PROCA1: variants seen among roughly 807,000 people sequenced by gnomAD.
PROCA1 encodes the protein protein interacting with cyclin A1.
In PROCA1, 22 loss-of-function variants were observed where a neutral mutation model predicts 23.2. That is an observed-to-expected ratio of 0.95 (90% CI 0.68 to 1.35). The LOEUF is 1.35. PROCA1 is among the 40% of genes most tolerant of loss of function. The pLI is 0.00. For missense variants in PROCA1, 469 were observed against 459.8 expected, an observed-to-expected ratio of 1.02 and a Z score of -0.18; for synonymous variants, 182 against 179.2, an observed-to-expected ratio of 1.02 and a Z score of -0.12.
Position 28,703,666 on chromosome 17 carries a change from C to G in PROCA1, c.987G>C (p.Arg329Ser), listed in dbSNP as rs1196927523. ...SEDIVESSSP[R>S]KRENTVQAKK... ...TGGCCTGGACTGTGTTCTCTCTCTT[C>G]CTGGGCGATGATGATTCCACAATAT... The change falls in exon 5 of 5, where the codon AGG becomes AGC. Residue 329 changes from arginine (R) to serine (S), a missense_variant. Transcript: ENST00000682792. 3.1e-6 allele frequency: 5 copies of G among 1,614,090 alleles called. No homozygotes were observed. Among genetic ancestry groups the G allele is most frequent in the Non-Finnish European group, 4.2e-6 (5 of 1,180,054 alleles).
In PROCA1 at chr17:28,703,741, C is replaced by G. The variant is rs200833418; in HGVS notation, c.912G>C (p.Glu304Asp). The G allele has an allele frequency of 6.2e-7, 1 of 1,614,134 alleles. No individual in the cohort carries two copies. The highest frequency in any genetic ancestry group is 8.5e-7 in the Non-Finnish European group (1 of 1,180,042). Residue 304 changes from glutamate (E) to aspartate (D), a missense_variant, in exon 5 of 5, where the codon GAG becomes GAC. Physicochemically the swap from Glu to Asp is conservative, Grantham distance 45. Coordinates refer to ENST00000682792, the MANE Select transcript of PROCA1 (RefSeq NM_001366301.1). ...ESSPESREELESEDSYNGRGQ... is the reference protein window; with the variant it reads ...ESSPESREELDSEDSYNGRGQ... ...CCCGGCCATTGTAACTGTCCTCGCT[C>G]TCCAGCTCTTCCCGGCTTTCTGGGC...
rs1045263751 is a variant in PROCA1, at chr17:28,703,359, G to A, written c.*199C>T. The A allele has an allele frequency of 1.6e-6, 1 of 607,048 alleles. No individual in the cohort carries two copies. The highest frequency in any genetic ancestry group is 1.9e-5 in the African/African-American group (1 of 54,022). 37.6% of individuals were successfully genotyped at this position (607,048 alleles called of 1,614,324 possible). A position where few individuals can be genotyped will look rare whatever the true frequency, so the allele number is the denominator to read the frequency against. ...TGTCCTAGCAGGTAGGAAGAAATAG[G>A]GCTGTGCCCCTTCCTTTCCCTCCCA... On this transcript the variant is annotated 3_prime_UTR_variant, in exon 5 of 5. Coordinates refer to ENST00000682792, the MANE Select transcript of PROCA1 (RefSeq NM_001366301.1).
At position 28,711,758 on chromosome 17, in the gene PROCA1, G is replaced by T. The variant is rs2032798409; in HGVS notation, c.-98C>A. ...GCCCTCGGCCCAGCCGTGAACTCCA[G>T]TCTCGGCTTCGCCCCCGCCTAGCCC... is the stretch of plus-strand genomic sequence containing the variant. On this transcript the variant is annotated 5_prime_UTR_variant, in exon 1 of 5. It adds an upstream start codon to the 5' untranslated region. Transcript: ENST00000682792. 9.4e-7 allele frequency: 1 copy of T among 1,069,444 alleles called. No individual in the cohort carries two copies. The highest frequency in any genetic ancestry group is 1.3e-6 in the Non-Finnish European group (1 of 768,052). The allele number at this position is 1,069,444 out of a possible 1,614,324, so 66.2% of individuals were successfully genotyped here.
chr17:28,710,326 G>A (rs1242779794), intron 1 of PROCA1, among the ~76,000 whole-genome samples: 1 of 151,492 alleles, frequency 6.6e-6, no homozygotes, highest in South Asian at 2.1e-4. Flanking sequence ...GTGAAACCCC[G>A]TCTCTACTAA....
At position 28,706,522 on chromosome 17, in the gene PROCA1, G is replaced by T. The variant is rs2032481442; in HGVS notation, c.175+158C>A. ...GGGTGATTGCGGCCTTGAGAAAGGG[G>T]TCCCCTCTGGCATCTGTAGGGGATG... On this transcript the variant is annotated intron_variant, in intron 2 of 4. Transcript: ENST00000682792. 2.0e-5 allele frequency: 7 copies of T among 357,884 alleles called. No homozygotes were observed. The Admixed American group carries it at 2.2e-4, about 11-fold the overall frequency. 22.2% of individuals were successfully genotyped at this position (357,884 alleles called of 1,614,324 possible).
rs1238111250 is a variant in PROCA1, at chr17:28,706,679, C to T, written c.175+1G>A. ...CTGGGTCAAAGGTCTCCTGGACCCA[C>T]CTTCAGAGAAGGTAGACACATCAGT... On this transcript the variant is annotated splice_donor_variant, in intron 2 of 4. Transcript: ENST00000682792. LOFTEE classifies it high-confidence loss of function. The T allele has an allele frequency of 4.6e-6, 6 of 1,303,542 alleles. No individual in the cohort carries two copies. The South Asian group carries it at 4.9e-5, about 11-fold the overall frequency. The allele number at this position is 1,303,542 out of a possible 1,614,324, so 80.7% of individuals were successfully genotyped here.
In PROCA1 at chr17:28,703,938, T is replaced by A. The variant is rs1248517791; in HGVS notation, c.715A>T (p.Lys239Ter). 7 of 1,613,102 alleles carry A rather than the reference T, an allele frequency of 4.3e-6. No homozygotes were observed. The highest frequency in any genetic ancestry group is 5.1e-6 in the Non-Finnish European group (6 of 1,179,650). Residue 239 changes from lysine to a stop codon, truncating the protein, a stop_gained, in exon 5 of 5, where the codon AAA (lysine) becomes TAA (stop). Coordinates refer to ENST00000682792, the MANE Select transcript of PROCA1 (RefSeq NM_001366301.1). LOFTEE classifies it high-confidence loss of function. ...GSKVIKKVKKKKEKEKDKEEM... is the reference protein window; with the variant it reads ...GSKVIKKVKK ...TCCTTGTCTTTCTCTTTTTCCTTTT[T>A]CTTCTTTACCTTCTTGATCACCTTG...
At position 28,706,682 on chromosome 17, in the gene PROCA1, T is replaced by G; in HGVS notation, c.173A>C (p.Glu58Ala). 7.7e-7 allele frequency: 1 copy of G among 1,303,224 alleles called. No individual in the cohort carries two copies. The highest frequency in any genetic ancestry group is 1.2e-5 in the South Asian group (1 of 80,966). 80.7% of individuals were successfully genotyped at this position (1,303,224 alleles called of 1,614,324 possible). ...ASSTDVSTFS[E>A]GDCKEPDKCC... ...GGTCAAAGGTCTCCTGGACCCACCTTCAGAGAAGGTAGACACATCAGTGCT... is the reference window on the plus strand; with the variant it reads ...GGTCAAAGGTCTCCTGGACCCACCTGCAGAGAAGGTAGACACATCAGTGCT... The change falls in exon 2 of 5, where the codon GAA becomes GCA. Residue 58 changes from glutamate to alanine, a missense_variant and splice_region_variant. Coordinates refer to ENST00000682792, the MANE Select transcript of PROCA1 (RefSeq NM_001366301.1).
intron 1 of PROCA1, among the ~76,000 whole-genome samples, chr17:28,708,648 G>A (rs1427096346): frequency 1.3e-5 from 2 of 151,680 alleles, no homozygotes; most frequent in African/African-American, 2.4e-5. Context: ...CTCTCAGAGA[G>A]GCAAGAGGCG....
At position 28,704,741 on chromosome 17, in the gene PROCA1, A is replaced by G. The variant is rs146270076; in HGVS notation, c.278T>C (p.Leu93Pro). The change falls in exon 3 of 5, where the codon CTA (leucine) becomes CCA (proline). Residue 93 changes from leucine (L) to proline (P), a missense_variant. Transcript: ENST00000682792. ...ASDCVRHSLHLHSVNHCNCNS... is the reference protein window; with the variant it reads ...ASDCVRHSLHPHSVNHCNCNS... Reference sequence around the variant, plus strand: ...ACAGTTGCAGTGGTTGACAGAGTGTAGGTGCAGGCTGTGGCGGACACAGTC... The same window carrying G: ...ACAGTTGCAGTGGTTGACAGAGTGTGGGTGCAGGCTGTGGCGGACACAGTC... The G allele has an allele frequency of 1.9e-6, 3 of 1,614,026 alleles. No individual in the cohort carries two copies. The African/African-American group carries it at 4.0e-5, about 22-fold the overall frequency.
In PROCA1 at chr17:28,704,465, CCCAT is replaced by C. The variant is rs1597730472; in HGVS notation, c.312-34_312-31del. The C allele has an allele frequency of 1.9e-6, 3 of 1,597,778 alleles. No individual in the cohort carries two copies. In the East Asian group the frequency reaches 6.7e-5, roughly 36 times the overall value. On this transcript the variant is annotated intron_variant, in intron 3 of 4. Transcript: ENST00000682792. ...CACACATGGGACTCTCAGCCTGGCTCCCATCACTCCCCCAGGGACCCAGAGCCAG... is the reference window on the plus strand; with the variant it reads ...CACACATGGGACTCTCAGCCTGGCTCCACTCCCCCAGGGACCCAGAGCCAG...
rs1226861811 is a variant in PROCA1 at position 28,711,065 on chromosome 17, T to G, written c.91+505A>C. On this transcript the variant is annotated intron_variant, in intron 1 of 4. Coordinates refer to ENST00000682792, the MANE Select transcript of PROCA1 (RefSeq NM_001366301.1). ...AGAGGAGGAAGCAAGGGAGGGGCAG[T>G]GCGCCCGCGTCTCCTTGGAAATGCC... The G allele has an allele frequency of 6.8e-6, 8 of 1,180,902 alleles. No individual in the cohort carries two copies. The Admixed American group carries it at 2.8e-4, about 41-fold the overall frequency. The allele number at this position is 1,180,902 out of a possible 1,614,324, so 73.2% of individuals were successfully genotyped here.
Position 28,704,109 on chromosome 17 carries a change from C to T in PROCA1, c.544G>A (p.Glu182Lys). ...LNEEEEEEEE[E>K]SKPPIPTQVG... ...TGTGTCGGGATGGGGGGCTTGCTTT[C>T]CTCCTCCTCCTCTTCCTCTTCTTCA... is the stretch of plus-strand genomic sequence containing the variant. Residue 182 changes from glutamate to lysine, a missense_variant, in exon 5 of 5, where the codon GAA becomes AAA. Transcript: ENST00000682792. The T allele has an allele frequency of 6.3e-7, 1 of 1,574,892 alleles. No homozygotes were observed. Among genetic ancestry groups the T allele is most frequent in the Non-Finnish European group, 8.6e-7 (1 of 1,166,054 alleles).
In PROCA1 at chr17:28,704,735, G is replaced by GTTGC; in HGVS notation, c.283_284insGCAA (p.Ser95CysfsTer9). The GTTGC allele has an allele frequency of 6.2e-7, 1 of 1,614,158 alleles. No individual in the cohort carries two copies. The highest frequency in any genetic ancestry group is 8.5e-7 in the Non-Finnish European group (1 of 1,179,990). Reference sequence around the variant, plus strand: ...AGAATTACAGTTGCAGTGGTTGACAGAGTGTAGGTGCAGGCTGTGGCGGAC... The same window carrying GTTGC: ...AGAATTACAGTTGCAGTGGTTGACAGTTGCAGTGTAGGTGCAGGCTGTGGCGGAC... On this transcript the variant is annotated frameshift_variant, in exon 3 of 5. Transcript: ENST00000682792. LOFTEE classifies it high-confidence loss of function.
At chr17:28,708,742 A>AAAAAAAAAAAAC (rs1567717806) in intron 1 of PROCA1, among the ~76,000 whole-genome samples, 1 of 151,948 alleles carries the variant, frequency 6.6e-6, no homozygotes, top group African/African-American at 2.4e-5. Context: ...AAAAAAAAAA[A>AAAAAAAAAAAAC]AAAACGACAT....
chr17:28,704,691 A>C lies in PROCA1; in HGVS notation c.311+17T>G. 2 of 1,613,404 alleles carry C rather than the reference A, an allele frequency of 1.2e-6. No individual in the cohort carries two copies. Among genetic ancestry groups the C allele is most frequent in the Non-Finnish European group, 1.7e-6 (2 of 1,179,602 alleles). On this transcript the variant is annotated intron_variant, in intron 3 of 4. Transcript: ENST00000682792. ...ACCTGGCTCTGCCATGGGTCCCCCAAGGGGGCGGGCCCTCACCTAGAATTA... is the reference window on the plus strand; with the variant it reads ...ACCTGGCTCTGCCATGGGTCCCCCACGGGGGCGGGCCCTCACCTAGAATTA...
chr17:28,705,185 T>G, intron 2 of PROCA1: 1 of 246,044 alleles, frequency 4.1e-6, no homozygotes. Flanking sequence ...ACAAGGCGCC[T>G]GGTAGGAGAA....
At position 28,703,727 on chromosome 17, in the gene PROCA1, T is replaced by A. The variant is rs1174591459; in HGVS notation, c.926A>T (p.Tyr309Phe). ...SREELESEDS[Y>F]NGRGQGELSS... is the part of the protein sequence containing the mutation. Reference sequence around the variant, plus strand: ...CAGTTCTCCCTGCCCCCGGCCATTGTAACTGTCCTCGCTCTCCAGCTCTTC... The same window carrying A: ...CAGTTCTCCCTGCCCCCGGCCATTGAAACTGTCCTCGCTCTCCAGCTCTTC... The change falls in exon 5 of 5, where the codon TAC (tyrosine) becomes TTC (phenylalanine). Residue 309 changes from tyrosine (Y) to phenylalanine (F), a missense_variant. Physicochemically the swap from Tyr to Phe is conservative, Grantham distance 22 (BLOSUM62 3). Transcript: ENST00000682792. The A allele has an allele frequency of 1.2e-6, 2 of 1,614,134 alleles. No individual in the cohort carries two copies. The highest frequency in any genetic ancestry group is 1.7e-6 in the Non-Finnish European group (2 of 1,180,032).
chr17:28,711,494 G>C, intron 1 of PROCA1, 76 bp downstream of exon 1: 2 of 1,284,788 alleles, frequency 1.6e-6, no homozygotes, highest in Non-Finnish European at 1.1e-6. Context: ...TCGGTTTGCC[G>C]GCTTCCCGCG....
Sources: gnomAD v4.1 joint callset for allele counts (sites outside exome capture counted in the v4.1 genomes callset) on GRCh38, gnomAD v4.1.1 for gene constraint, MANE v1.5 for transcripts, NCBI Gene and HGNC (gene_info 2026-07-23, HGNC 2026-07-21) for gene names.